HS2ST1: variants seen among roughly 807,000 people sequenced by gnomAD.
The protein encoded by HS2ST1 is 2-O-sulfotransferase.
In HS2ST1, 18 loss-of-function variants were observed where a neutral mutation model predicts 42.9. The ratio of observed to expected loss-of-function variants is 0.42; its 90% confidence interval spans 0.29 to 0.62. HS2ST1 has a LOEUF of 0.62. Ranked by LOEUF, HS2ST1 falls within the 20% of genes least tolerant of loss-of-function variation. HS2ST1 has a pLI of 0.21. For missense variants in HS2ST1, 334 were observed against 433.8 expected (o/e 0.77, Z 2.04); for synonymous variants, 146 against 152.9 (o/e 0.95, Z 0.33).
At chr1:86,968,793 AG>A (rs1648144047) in intron 1 of HS2ST1, among the ~76,000 whole-genome samples, 1 of 152,178 alleles carries the variant, frequency 6.6e-6, no homozygotes, top group Admixed American at 6.5e-5. Flanking sequence ...TAAAAAAAAA[AG>A]CTTCATGCTG....
chr1:86,949,364 G>A (rs2474928), intron 1 of HS2ST1, among the ~76,000 whole-genome samples: 2 of 152,030 alleles, frequency 1.3e-5, no homozygotes, highest in Non-Finnish European at 2.9e-5. Context: ...CGGCCTTGGC[G>A]TCCCAAAGTG....
At chr1:87,010,444 A>G (rs1014451811) in intron 1 of HS2ST1, among the ~76,000 whole-genome samples, 3 of 152,214 alleles carry the variant, frequency 2.0e-5, no homozygotes, top group Admixed American at 2.0e-4. Context: ...TGTCATTTAT[A>G]TCCATACTGG....
At chr1:86,956,198 T>G (rs1263269771) in intron 1 of HS2ST1, among the ~76,000 whole-genome samples, 1 of 152,160 alleles carries the variant, frequency 6.6e-6, no homozygotes, top group Non-Finnish European at 1.5e-5. Flanking sequence ...CTGGGGTGGA[T>G]CTGCTGCTTT....
intron 1 of HS2ST1, among the ~76,000 whole-genome samples, chr1:86,924,206 C>T (rs772370117): frequency 6.6e-6 from 1 of 152,230 alleles, no homozygotes; most frequent in Non-Finnish European, 1.5e-5. Flanking sequence ...ACATCCAGGT[C>T]ACACTGATGC....
chr1:86,973,452 A>G (rs976714606), intron 1 of HS2ST1, among the ~76,000 whole-genome samples: 5 of 151,912 alleles, frequency 3.3e-5, no homozygotes, highest in Non-Finnish European at 7.4e-5. Context: ...CTGATTTCAA[A>G]CCCTAAATTC....
chr1:86,994,916 T>C (rs1323672706), intron 1 of HS2ST1, among the ~76,000 whole-genome samples: 1 of 152,164 alleles, frequency 6.6e-6, no homozygotes, highest in Non-Finnish European at 1.5e-5. Context: ...ATTTCAAATT[T>C]CAAATCATCC....
intron 1 of HS2ST1, among the ~76,000 whole-genome samples, chr1:87,034,813 C>T (rs991306439): frequency 6.6e-6 from 1 of 152,132 alleles, no homozygotes; most frequent in Non-Finnish European, 1.5e-5. Flanking sequence ...TAAATATGTC[C>T]ATATCTTAAT....
intron 1 of HS2ST1, among the ~76,000 whole-genome samples, chr1:87,010,649 C>G (rs951651683): frequency 6.6e-6 from 1 of 151,632 alleles, no homozygotes; most frequent in East Asian, 1.9e-4. Flanking sequence ...CTCTTATATT[C>G]ATTTGGCTAT....
intron 1 of HS2ST1, among the ~76,000 whole-genome samples, chr1:87,047,275 A>T (rs559273984): frequency 1.1e-4 from 16 of 152,276 alleles, no homozygotes; most frequent in Non-Finnish European, 2.1e-4. Flanking sequence ...TAGTTCATTT[A>T]AAAAAATGGA....
At chr1:86,934,628 A>G (rs1660605726) in intron 1 of HS2ST1, 1 of 152,288 alleles carries the variant, frequency 6.6e-6, no homozygotes, top group African/African-American at 2.4e-5. Context: ...TGGGTCTAAG[A>G]AGAGTTAACT....
intron 1 of HS2ST1, among the ~76,000 whole-genome samples, chr1:87,007,128 A>G (rs975076001): frequency 1.3e-5 from 2 of 152,070 alleles, no homozygotes; most frequent in African/African-American, 4.8e-5. Context: ...TTCTTTTCTT[A>G]AGCCCTGCAG....
intron 1 of HS2ST1, among the ~76,000 whole-genome samples, chr1:86,918,163 A>G (rs547137553): frequency 1.7e-4 from 26 of 152,306 alleles, no homozygotes; most frequent in African/African-American, 6.0e-4. Context: ...TGTATTCAAA[A>G]CTGAGGTGTA....
chr1:87,030,530 G>GCACA (rs773658579), intron 1 of HS2ST1, among the ~76,000 whole-genome samples: 13 of 150,694 alleles, frequency 8.6e-5, no homozygotes, highest in African/African-American at 3.2e-4. Flanking sequence ...GCATGCACAC[G>GCACA]CACACACGCA....
chr1:86,955,949 A>C (rs1443417659), intron 1 of HS2ST1, among the ~76,000 whole-genome samples: 2 of 152,190 alleles, frequency 1.3e-5, no homozygotes, highest in Admixed American at 6.5e-5. Flanking sequence ...TGATCCTGCC[A>C]CTGTACTCCA....
At chr1:87,009,866 C>G (rs966333337) in intron 1 of HS2ST1, among the ~76,000 whole-genome samples, 1 of 151,992 alleles carries the variant, frequency 6.6e-6, no homozygotes, top group South Asian at 2.1e-4. Context: ...AACCCCGTCT[C>G]TACTAAAAAT....
chr1:87,086,415 T>C (rs749452944), intron 3 of HS2ST1, among the ~76,000 whole-genome samples: 12 of 152,214 alleles, frequency 7.9e-5, no homozygotes, highest in Non-Finnish European at 8.8e-5. Context: ...TCAATTGTGC[T>C]TTACTCTTCA....
chr1:87,017,431 C>G (rs1649792551), intron 1 of HS2ST1, among the ~76,000 whole-genome samples: 1 of 152,190 alleles, frequency 6.6e-6, no homozygotes, highest in Non-Finnish European at 1.5e-5. Flanking sequence ...GCCACCACAC[C>G]CGGCCTCTCT....
At chr1:87,003,560 T>C (rs918749690) in intron 1 of HS2ST1, among the ~76,000 whole-genome samples, 1 of 152,158 alleles carries the variant, frequency 6.6e-6, no homozygotes, top group African/African-American at 2.4e-5. Flanking sequence ...CTTTTATGCT[T>C]CTCTCTTGAA....
chr1:86,984,001 T>C (rs1303434631), intron 1 of HS2ST1, among the ~76,000 whole-genome samples: 1 of 151,756 alleles, frequency 6.6e-6, no homozygotes, highest in Non-Finnish European at 1.5e-5. Context: ...GATCGCGCCA[T>C]TGAACTCTAG....
Sources: allele counts gnomAD v4.1 joint callset (sites outside exome capture counted in the v4.1 genomes callset), GRCh38; gene constraint gnomAD v4.1.1; transcripts MANE v1.5; gene names NCBI Gene and HGNC (gene_info 2026-07-23, HGNC 2026-07-21).